Variants in ZNF257 observed in about 807,000 individuals in gnomAD.
ZNF257 encodes the protein bone marrow zinc finger 4.
Under a neutral mutation model 11.9 loss-of-function variants are expected in ZNF257, and 12 were observed. The observed-to-expected ratio is 1.01, with a 90% CI of 0.65 to 1.63. The LOEUF (loss-of-function observed/expected upper bound fraction) is 1.63, where lower values mean the gene tolerates loss of function less well. ZNF257 is among the 40% of genes most tolerant of loss of function. ZNF257 has a pLI of 0.00. For synonymous variants in ZNF257, 183 were observed against 222.7 expected (o/e 0.82, Z 1.59); for missense variants, 580 against 665.5 (o/e 0.87, Z 1.41).
chr19:22,080,366 C>T (rs948934398), intron 3 of ZNF257, among the ~76,000 whole-genome samples: 2 of 152,158 alleles, frequency 1.3e-5, no homozygotes, highest in African/African-American at 4.8e-5. Context: ...GCACCATCCT[C>T]TTTGTAATCA....
At chr19:22,076,575 G>A (rs1334880744) in intron 3 of ZNF257, among the ~76,000 whole-genome samples, 1 of 152,030 alleles carries the variant, frequency 6.6e-6, no homozygotes, top group Non-Finnish European at 1.5e-5. Context: ...AAATACTGTA[G>A]TTATCTAGAC....
chr19:22,069,118 G>C (rs192533430), intron 1 of ZNF257, among the ~76,000 whole-genome samples: 1 of 152,032 alleles, frequency 6.6e-6, no homozygotes, highest in Non-Finnish European at 1.5e-5. Flanking sequence ...CTGGAGATTC[G>C]AACAGTTAAA....
chr19:22,073,469 G>T lies in ZNF257; in HGVS notation c.131G>T (p.Gly44Val), dbSNP rs1330447231. The change falls in exon 3 of 4, where the codon GGT (glycine) becomes GTT (valine). Residue 44 changes from glycine to valine, a missense_variant and splice_region_variant. By Grantham distance (109) the Gly-to-Val change is moderately radical (BLOSUM62 -3). Transcript: ENST00000594947. ...CGTGTTACTTATTTTTAAAAAACAGGTATTGCTGTCTCTAAGCCAGACCTG... is the reference window on the plus strand; with the variant it reads ...CGTGTTACTTATTTTTAAAAAACAGTTATTGCTGTCTCTAAGCCAGACCTG... ...LENYRNLVFL[G>V]IAVSKPDLIT... The T allele has an allele frequency of 3.7e-6, 6 of 1,605,334 alleles. No homozygotes were observed. Among genetic ancestry groups the T allele is most frequent in the Middle Eastern group, 1.7e-4 (1 of 6,028 alleles).
At chr19:22,091,460 C>CAAAAAAAAAAAAAAAAAAAAAAAAAAAAA (rs573828270) in exon 4 of ZNF257, 1 of 93,010 alleles carries the variant, frequency 1.1e-5, no homozygotes, top group Non-Finnish European at 2.1e-5. Context: ...GACTTCGTCT[C>CAAAAAAAAAAAAAAAAAAAAAAAAAAAAA]AAAAAAAAAA....
intron 3 of ZNF257, among the ~76,000 whole-genome samples, chr19:22,083,272 C>A (rs1238147528): frequency 6.6e-6 from 1 of 152,038 alleles, no homozygotes; most frequent in African/African-American, 2.4e-5. Context: ...CAGTTTGAGA[C>A]CAGCCTGGCC....
At chr19:22,073,196 G>C (rs146735195) in intron 2 of ZNF257, among the ~76,000 whole-genome samples, 1,540 of 152,084 alleles carry the variant, frequency 0.01, 17 homozygotes, top group Admixed American at 0.016. Flanking sequence ...TAGAATAGTG[G>C]TAATTCCAGA....
chr19:22,088,058 A>G lies in ZNF257; in HGVS notation c.308A>G (p.Tyr103Cys). ...TTCCAAAAAGTCATACTGAGGAGATATGATAAATGTGAACATGAGAATTTA... is the reference window on the plus strand; with the variant it reads ...TTCCAAAAAGTCATACTGAGGAGATGTGATAAATGTGAACATGAGAATTTA... ...YFFQKVILRR[Y>C]DKCEHENLQL... Residue 103 changes from tyrosine to cysteine, a missense_variant, in exon 4 of 4, where the codon TAT becomes TGT. Transcript: ENST00000594947. The G allele has an allele frequency of 6.2e-7, 1 of 1,603,586 alleles. No individual in the cohort carries two copies. Among genetic ancestry groups the G allele is most frequent in the Non-Finnish European group, 8.5e-7 (1 of 1,173,754 alleles).
intron 3 of ZNF257, among the ~76,000 whole-genome samples, chr19:22,080,674 GT>G (rs2022337093): frequency 6.6e-6 from 1 of 151,372 alleles, no homozygotes; most frequent in Non-Finnish European, 1.5e-5. Flanking sequence ...TAAGTTCTCT[GT>G]TTTATTATTG....
Position 22,055,953 on chromosome 19 carries a change from G to T in ZNF257, c.3+3318G>T, listed in dbSNP as rs542016809. 6.0e-3 allele frequency among the ~76,000 whole-genome samples: 917 copies of T among 151,680 alleles called. 11 individuals carry two copies. Among genetic ancestry groups the T allele is most frequent in the African/African-American group, 0.021 (888 of 41,332 alleles). ...GCCTGTAGTCCCAGCTACTCGGGAG[G>T]CTGAGGCAGGAGAATGGCGTGAACC... On this transcript the variant is annotated intron_variant, in intron 1 of 3. Coordinates refer to ENST00000594947, the MANE Select transcript of ZNF257 (RefSeq NM_033468.4).
chr19:22,065,314 C>T (rs1189333035), intron 1 of ZNF257, among the ~76,000 whole-genome samples: 1 of 151,922 alleles, frequency 6.6e-6, no homozygotes, highest in African/African-American at 2.4e-5. Context: ...ATTCTCCTGC[C>T]TCAGCCTTTC....
At chr19:22,073,820 TG>T (rs1403554211) in intron 3 of ZNF257, among the ~76,000 whole-genome samples, 2 of 152,150 alleles carry the variant, frequency 1.3e-5, no homozygotes, top group Non-Finnish European at 2.9e-5. Flanking sequence ...AAAGTCCTCA[TG>T]GCATATAAGA....
chr19:22,070,584 T>C (rs1599666147), intron 1 of ZNF257, among the ~76,000 whole-genome samples: 1 of 152,244 alleles, frequency 6.6e-6, no homozygotes, highest in South Asian at 2.1e-4. Context: ...GACATGGCTG[T>C]TTTCTGTTTC....
At chr19:22,062,062 A>ATTTTT (rs57092171) in intron 1 of ZNF257, among the ~76,000 whole-genome samples, 3 of 139,870 alleles carry the variant, frequency 2.1e-5, no homozygotes, top group Non-Finnish European at 3.1e-5. Flanking sequence ...TTTGCTGAGG[A>ATTTTT]TTTTTTTTTT....
At position 22,052,545 on chromosome 19, in the gene ZNF257, T is replaced by G. The variant is rs1971728177; in HGVS notation, c.-88T>G. The G allele has an allele frequency of 6.6e-7, 1 of 1,515,528 alleles. No homozygotes were observed. Among genetic ancestry groups the G allele is most frequent in the Non-Finnish European group, 9.1e-7 (1 of 1,101,296 alleles). The allele number at this position is 1,515,528 out of a possible 1,614,324, so 93.9% of individuals were successfully genotyped here. On this transcript the variant is annotated 5_prime_UTR_variant, in exon 1 of 4. Transcript: ENST00000594947. The stretch of plus-strand genomic sequence containing the variant: ...GTCTTCCCTGGTCTGTGTCCTCTTC[T>G]CCTAGGGGCCCAGCCTCTGTGGCCC...
intron 3 of ZNF257, among the ~76,000 whole-genome samples, chr19:22,076,393 C>T (rs887743905): frequency 3.1e-4 from 47 of 151,720 alleles, no homozygotes; most frequent in Non-Finnish European, 5.2e-4. Flanking sequence ...GAAAGAATAG[C>T]ATACAATTAA....
chr19:22,063,986 G>A (rs4932952), intron 1 of ZNF257: 34,700 of 152,104 alleles, frequency 0.23, 4,654 homozygotes, highest in South Asian at 0.44. Context: ...CAGAATTAAA[G>A]TCTCTTCATA....
At position 22,052,586 on chromosome 19, in the gene ZNF257, T is replaced by C. The variant is rs116147909; in HGVS notation, c.-47T>C. ...TCTGTGGCCCTGTGACCTGCAGGTATTGGGAGATCCCCAGCTAAGACGCCA... is the reference window on the plus strand; with the variant it reads ...TCTGTGGCCCTGTGACCTGCAGGTACTGGGAGATCCCCAGCTAAGACGCCA... On this transcript the variant is annotated 5_prime_UTR_variant, in exon 1 of 4. Coordinates refer to ENST00000594947, the MANE Select transcript of ZNF257 (RefSeq NM_033468.4). 1,554 of 1,600,466 alleles carry C rather than the reference T, an allele frequency of 9.7e-4. 9 individuals carry two copies. In the African/African-American group the frequency reaches 0.018, roughly 18 times the overall value.
intron 3 of ZNF257, among the ~76,000 whole-genome samples, chr19:22,075,162 G>A (rs376396964): frequency 4.6e-5 from 7 of 151,824 alleles, no homozygotes; most frequent in African/African-American, 1.7e-4. Flanking sequence ...TAGTTGGCTT[G>A]TTACAAAGGG....
chr19:22,059,749 G>A (rs2021744323), intron 1 of ZNF257, among the ~76,000 whole-genome samples: 1 of 150,862 alleles, frequency 6.6e-6, no homozygotes, highest in African/African-American at 2.4e-5. Flanking sequence ...TGAAGAAAGG[G>A]TCTTACTCTT....
Sources: gnomAD v4.1 joint callset for allele counts (sites outside exome capture counted in the v4.1 genomes callset) on GRCh38, gnomAD v4.1.1 for gene constraint, MANE v1.5 for transcripts, NCBI Gene and HGNC (gene_info 2026-07-23, HGNC 2026-07-21) for gene names.